ANGPT1: variants seen among roughly 807,000 people sequenced by gnomAD.
The protein encoded by ANGPT1 is angiopoietin-1.
A neutral mutation model predicts 62.2 loss-of-function variants in ANGPT1; 17 were observed. That is an observed-to-expected ratio of 0.27 (90% CI 0.19 to 0.41). ANGPT1 has a LOEUF of 0.41. Ranked by LOEUF, ANGPT1 falls within the 10% of genes least tolerant of loss-of-function variation. The pLI, the probability that ANGPT1 is intolerant of heterozygous loss-of-function variation, is 1.00. For missense variants in ANGPT1, 478 were observed against 594.9 expected (o/e 0.80, Z 2.04); for synonymous variants, 199 against 198.9 (o/e 1.00, Z 0.00).
At chr8:107,438,759 T>C (rs1308306667) in intron 1 of ANGPT1, among the ~76,000 whole-genome samples, 1 of 152,124 alleles carries the variant, frequency 6.6e-6, no homozygotes, top group Non-Finnish European at 1.5e-5. Flanking sequence ...TGGGTGGTCT[T>C]AGAAGAAAAT....
chr8:107,347,051 A>G lies in ANGPT1; in HGVS notation c.344T>C (p.Ile115Thr). ...GTGGTTCTGAACTGCATTCTGCTGT[A>G]TCTGGGCCATCTCCGACTTCATGTT... ...VENMKSEMAQIQQNAVQNHTA... is the reference protein window; with the variant it reads ...VENMKSEMAQTQQNAVQNHTA... The change falls in exon 2 of 9, where the codon ATA (isoleucine) becomes ACA (threonine). Residue 115 changes from isoleucine to threonine, a missense_variant. By Grantham distance (89) the Ile-to-Thr change is moderately conservative. Coordinates refer to ENST00000517746, the MANE Select transcript of ANGPT1 (RefSeq NM_001146.5). The G allele has an allele frequency of 6.2e-7, 1 of 1,613,852 alleles. No individual in the cohort carries two copies. Among genetic ancestry groups the G allele is most frequent in the Non-Finnish European group, 8.5e-7 (1 of 1,179,846 alleles).
chr8:107,444,830 CCT>C (rs1811571799), intron 1 of ANGPT1, among the ~76,000 whole-genome samples: 1 of 152,048 alleles, frequency 6.6e-6, no homozygotes. Context: ...ATAAATTGCA[CCT>C]CTCTACCCAT....
chr8:107,496,915 T>A (rs917653180), intron 1 of ANGPT1, among the ~76,000 whole-genome samples: 5 of 152,232 alleles, frequency 3.3e-5, no homozygotes, highest in Non-Finnish European at 7.3e-5. Flanking sequence ...TTATTATTTA[T>A]TTTTCACCAA....
In ANGPT1 at chr8:107,330,252, T is replaced by C. The variant is rs145226113; in HGVS notation, c.575+5898A>G. On this transcript the variant is annotated intron_variant, in intron 3 of 8. Transcript: ENST00000517746. ...TCTTAACTTCATACAGTACAATTAT[T>C]GTCATTGTTATGTTACAAATTAGGA... is the stretch of plus-strand genomic sequence containing the variant. Among the ~76,000 whole-genome samples, 92 of 152,308 alleles carry C rather than the reference T, an allele frequency of 6.0e-4. No individual in the cohort carries two copies. The East Asian group carries it at 6.7e-3, about 11-fold the overall frequency.
At chr8:107,490,631 C>A (rs1348027605) in intron 1 of ANGPT1, among the ~76,000 whole-genome samples, 7 of 152,180 alleles carry the variant, frequency 4.6e-5, no homozygotes, top group Admixed American at 4.6e-4. Flanking sequence ...GGTCCCAATA[C>A]TAATACTAAT....
chr8:107,375,613 G>A (rs1816515113), intron 1 of ANGPT1, among the ~76,000 whole-genome samples: 1 of 152,162 alleles, frequency 6.6e-6, no homozygotes, highest in African/African-American at 2.4e-5. Flanking sequence ...GAGCACACAT[G>A]AGTGAAGGCA....
intron 5 of ANGPT1, among the ~76,000 whole-genome samples, chr8:107,302,604 G>C (rs915105098): frequency 2.0e-5 from 3 of 151,924 alleles, no homozygotes; most frequent in Non-Finnish European, 4.4e-5. Context: ...GGCATAGATG[G>C]ATGATTTAAT....
At chr8:107,343,368 C>T (rs1815737335) in intron 2 of ANGPT1, among the ~76,000 whole-genome samples, 2 of 152,236 alleles carry the variant, frequency 1.3e-5, no homozygotes, top group South Asian at 2.1e-4. Flanking sequence ...GAAGTCTTAT[C>T]CCTCAAGGCA....
At chr8:107,429,962 G>GA (rs1586315632) in intron 1 of ANGPT1, among the ~76,000 whole-genome samples, 2 of 152,042 alleles carry the variant, frequency 1.3e-5, no homozygotes, top group South Asian at 2.1e-4. Context: ...ATTTCTGAGA[G>GA]AAAAAAATCC....
intron 3 of ANGPT1, among the ~76,000 whole-genome samples, chr8:107,327,067 T>C (rs1021175435): frequency 1.3e-5 from 2 of 152,126 alleles, no homozygotes; most frequent in Admixed American, 6.6e-5. Flanking sequence ...TTCTGGGAGC[T>C]TATCCTTCAC....
chr8:107,348,134 T>A (rs949171397), intron 1 of ANGPT1, among the ~76,000 whole-genome samples: 1 of 152,196 alleles, frequency 6.6e-6, no homozygotes, highest in Non-Finnish European at 1.5e-5. Context: ...TCAGCCAGAC[T>A]TGGACTTGAG....
intron 1 of ANGPT1, among the ~76,000 whole-genome samples, chr8:107,381,003 G>A (rs1324889613): frequency 6.6e-6 from 1 of 152,180 alleles, no homozygotes; most frequent in Non-Finnish European, 1.5e-5. Flanking sequence ...TTCTTGGGAA[G>A]GCCTGAAGTT....
intron 1 of ANGPT1, among the ~76,000 whole-genome samples, chr8:107,492,639 T>C (rs1476757091): frequency 6.6e-6 from 1 of 151,158 alleles, no homozygotes; most frequent in Non-Finnish European, 1.5e-5. Flanking sequence ...GCCCGGCCAA[T>C]ATGTACCCAT....
intron 4 of ANGPT1, among the ~76,000 whole-genome samples, chr8:107,310,849 T>C (rs1351451266): frequency 6.6e-6 from 1 of 152,150 alleles, no homozygotes; most frequent in East Asian, 1.9e-4. Flanking sequence ...GCCTACGGAC[T>C]ATTTGCTAGA....
chr8:107,437,468 C>T (rs1284737662), intron 1 of ANGPT1, among the ~76,000 whole-genome samples: 3 of 152,118 alleles, frequency 2.0e-5, no homozygotes, highest in African/African-American at 7.2e-5. Context: ...TGTAAATGGC[C>T]TATAGTATTT....
chr8:107,486,956 C>T (rs1253461147), intron 1 of ANGPT1, among the ~76,000 whole-genome samples: 2 of 152,170 alleles, frequency 1.3e-5, no homozygotes, highest in Non-Finnish European at 2.9e-5. Context: ...GATTAGGTAA[C>T]TGGCTAACTG....
chr8:107,254,382 T>C (rs748795307), intron 8 of ANGPT1, among the ~76,000 whole-genome samples: 2 of 151,990 alleles, frequency 1.3e-5, no homozygotes, highest in Non-Finnish European at 2.9e-5. Flanking sequence ...CAGATGAATA[T>C]ATGTAAGCAG....
chr8:107,412,598 T>G (rs1181999021), intron 1 of ANGPT1, among the ~76,000 whole-genome samples: 2 of 152,154 alleles, frequency 1.3e-5, no homozygotes, highest in Admixed American at 6.6e-5. Context: ...ATGTGGTCAT[T>G]TATTTAAATC....
intron 1 of ANGPT1, among the ~76,000 whole-genome samples, chr8:107,449,400 GCACACACACACA>G (rs10537811): frequency 1.4e-4 from 20 of 148,106 alleles, no homozygotes; most frequent in African/African-American, 5.0e-4. Flanking sequence ...ACACACACAT[GCACACACACACA>G]CACACACACA....
Sources: gnomAD v4.1 joint callset for allele counts (sites outside exome capture counted in the v4.1 genomes callset) on GRCh38, gnomAD v4.1.1 for gene constraint, MANE v1.5 for transcripts, NCBI Gene and HGNC (gene_info 2026-07-23, HGNC 2026-07-21) for gene names.